The following C1orf87 variants were observed in gnomAD, a reference collection of about 807,000 sequenced individuals.
The protein encoded by C1orf87 is uncharacterized protein C1orf87.
A neutral mutation model predicts 60.5 loss-of-function variants in C1orf87; 58 were observed. The ratio of observed to expected loss-of-function variants is 0.96; its 90% CI spans 0.78 to 1.19. The LOEUF (loss-of-function observed/expected upper bound fraction) is 1.19, where lower values mean the gene tolerates loss of function less well. Ranked by LOEUF, C1orf87 falls within the 50% of genes most tolerant of loss-of-function variation. The pLI, the probability that C1orf87 is intolerant of heterozygous loss-of-function variation, is 0.00. For synonymous variants in C1orf87, 236 were observed against 227.4 expected (o/e 1.04, Z -0.34); for missense variants, 673 against 638.6 (o/e 1.05, Z -0.58).
Position 60,025,507 on chromosome 1 carries a change from T to TAA in C1orf87, c.1030-11_1030-10dup. 2 of 1,524,042 alleles carry TAA rather than the reference T, an allele frequency of 1.3e-6. No individual in the cohort carries two copies. The highest frequency in any genetic ancestry group is 1.8e-6 in the Non-Finnish European group (2 of 1,126,716). The allele number at this position is 1,524,042 out of a possible 1,614,324, so 94.4% of individuals were successfully genotyped here. ...CCACATATAGCCCTGACCTACAAGT[T>TAA]AAAAAAAAATAAAAAAGATTTGATG... is the stretch of plus-strand genomic sequence containing the variant. On this transcript the variant is annotated splice_polypyrimidine_tract_variant and intron_variant, in intron 7 of 11. Transcript: ENST00000371201.
intron 8 of C1orf87, among the ~76,000 whole-genome samples, chr1:60,015,596 ACTTT>A (rs1431236945): frequency 6.6e-6 from 1 of 152,096 alleles, no homozygotes; most frequent in African/African-American, 2.4e-5. Context: ...GCAGATGGCC[ACTTT>A]CTTGCTGTGT....
At chr1:60,010,288 T>C (rs1645074161) in intron 9 of C1orf87, 104 bp downstream of exon 9, 2 of 1,024,456 alleles carry the variant, frequency 2.0e-6, no homozygotes, top group Admixed American at 2.1e-5. Context: ...CTGAGAGAAA[T>C]GAGATGAAAC....
Position 60,006,908 on chromosome 1 carries a change from T to C in C1orf87, c.1192+3484A>G, listed in dbSNP as rs79800056. ...AGATGTTGTCACCATTTCCTATGTG[T>C]CTCTTGCATACTTTTTTTTTTCTGA... On this transcript the variant is annotated intron_variant, in intron 9 of 11. Transcript: ENST00000371201. Among the ~76,000 whole-genome samples, 467 of 150,252 alleles carry C rather than the reference T, an allele frequency of 3.1e-3. 1 individual carries two copies. The highest frequency in any genetic ancestry group is 0.011 in the African/African-American group (443 of 40,638).
intron 11 of C1orf87, among the ~76,000 whole-genome samples, chr1:59,992,687 C>A (rs1185228440): frequency 6.6e-6 from 1 of 152,100 alleles, no homozygotes; most frequent in Non-Finnish European, 1.5e-5. Flanking sequence ...ATGGTAGATA[C>A]TTATCATCTC....
rs1557484946 is a variant in C1orf87, at chr1:60,072,595, TC to T, written c.48del (p.Ile17SerfsTer3). On this transcript the variant is annotated frameshift_variant, in exon 2 of 12. Transcript: ENST00000371201. LOFTEE classifies it high-confidence loss of function. The stretch of plus-strand genomic sequence containing the variant: ...TTACTTCCAATGATTTTCACCATGA[TC>T]TCAGGCATTGCATCTGATCCACGGG... ...KTPRGSDAMP[E>X]IMVKIIGSKH... is the part of the protein sequence containing the mutation. 6.2e-7 allele frequency: 1 copy of T among 1,613,302 alleles called. No individual in the cohort carries two copies. Among genetic ancestry groups the T allele is most frequent in the Admixed American group, 1.7e-5 (1 of 59,998 alleles).
rs771413657 is a variant in C1orf87 at position 60,055,207 on chromosome 1, G to A, written c.339C>T (p.Gly113=). The change falls in exon 3 of 12, where the codon GGC becomes GGT. Residue 113 remains glycine (G), a synonymous_variant. Coordinates refer to ENST00000371201, the MANE Select transcript of C1orf87 (RefSeq NM_152377.3). ...GTGGGTATTTTTTGTCACTCACATTGCCATCCAGGAATCTGCTACTGTTTG... is the reference window on the plus strand; with the variant it reads ...GTGGGTATTTTTTGTCACTCACATTACCATCCAGGAATCTGCTACTGTTTG... The part of the protein sequence containing the change: ...TGANSSRFLD[G]NIPSQANVHC... The A allele has an allele frequency of 3.7e-6, 6 of 1,610,060 alleles. No individual in the cohort carries two copies. Among genetic ancestry groups the A allele is most frequent in the Admixed American group, 3.3e-5 (2 of 59,970 alleles).
chr1:60,017,181 CTTA>C (rs1366434580), intron 8 of C1orf87, among the ~76,000 whole-genome samples: 1 of 152,132 alleles, frequency 6.6e-6, no homozygotes, highest in Admixed American at 6.5e-5. Flanking sequence ...TTATAAAGCA[CTTA>C]TTATTATTTT....
At chr1:59,993,162 A>G (rs1405914754) in intron 11 of C1orf87, among the ~76,000 whole-genome samples, 1 of 152,222 alleles carries the variant, frequency 6.6e-6, no homozygotes, top group Non-Finnish European at 1.5e-5. Flanking sequence ...TCGAGGCTGC[A>G]GTGAGTTGTG....
At chr1:60,019,948 CA>C (rs1466285779) in intron 8 of C1orf87, among the ~76,000 whole-genome samples, 6 of 151,892 alleles carry the variant, frequency 4.0e-5, no homozygotes, top group Non-Finnish European at 8.8e-5. Context: ...GGAAGCAGAG[CA>C]AAAAAGTTTG....
chr1:59,999,720 A>C (rs1426083), intron 10 of C1orf87, among the ~76,000 whole-genome samples: 39,538 of 151,990 alleles, frequency 0.26, 5,520 homozygotes, highest in East Asian at 0.48. Context: ...TATTCTAGTT[A>C]TTGCTTATCT....
chr1:60,069,931 A>G (rs1388431256), intron 2 of C1orf87, among the ~76,000 whole-genome samples: 1 of 152,180 alleles, frequency 6.6e-6, no homozygotes, highest in Non-Finnish European at 1.5e-5. Flanking sequence ...AAAAGGGGCA[A>G]TTTGGACACA....
At chr1:60,012,454 A>G (rs1174951435) in intron 8 of C1orf87, among the ~76,000 whole-genome samples, 1 of 152,112 alleles carries the variant, frequency 6.6e-6, no homozygotes, top group Non-Finnish European at 1.5e-5. Context: ...TACATGACCA[A>G]TACAATTTTT....
At chr1:60,060,985 G>T (rs1235226317) in intron 2 of C1orf87, among the ~76,000 whole-genome samples, 1 of 152,128 alleles carries the variant, frequency 6.6e-6, no homozygotes, top group Non-Finnish European at 1.5e-5. Flanking sequence ...CTGTGCAACT[G>T]CCTGGCCTCT....
rs1029146721 is a variant in C1orf87 at position 60,030,383 on chromosome 1, G to T, written c.1029+3093C>A. ...CAGAACCTGACAAACTACAGAAGGAGGTCTTACAGTCCTGGTCCACTTAAA... is the reference window on the plus strand; with the variant it reads ...CAGAACCTGACAAACTACAGAAGGATGTCTTACAGTCCTGGTCCACTTAAA... On this transcript the variant is annotated intron_variant, in intron 7 of 11. Transcript: ENST00000371201. Among the ~76,000 whole-genome samples the T allele has an allele frequency of 2.0e-5, 3 of 152,190 alleles. No homozygotes were observed. The South Asian group carries it at 6.2e-4, about 31-fold the overall frequency.
At chr1:60,044,167 C>G (rs1645348601) in intron 3 of C1orf87, among the ~76,000 whole-genome samples, 1 of 152,150 alleles carries the variant, frequency 6.6e-6, no homozygotes, top group Admixed American at 6.5e-5. Flanking sequence ...GTAGCTGGGA[C>G]TACAGGCGCC....
intron 2 of C1orf87, among the ~76,000 whole-genome samples, chr1:60,065,018 T>TATATATATTTAATATATATAAA (rs1557482211): frequency 4.9e-5 from 1 of 20,538 alleles, no homozygotes; most frequent in Non-Finnish European, 1.3e-4. Flanking sequence ...ATATATTAAA[T>TATATATATTTAATATATATAAA]ATATATATTT....
At chr1:60,066,153 A>G (rs1280203590) in intron 2 of C1orf87, among the ~76,000 whole-genome samples, 1 of 152,190 alleles carries the variant, frequency 6.6e-6, no homozygotes, top group Non-Finnish European at 1.5e-5. Flanking sequence ...TGAGGTTGGT[A>G]GTTGCTGTAG....
chr1:60,028,459 C>T (rs1645214731), intron 7 of C1orf87, among the ~76,000 whole-genome samples: 1 of 152,070 alleles, frequency 6.6e-6, no homozygotes, highest in Non-Finnish European at 1.5e-5. Context: ...TTATTAAGAT[C>T]CATTAAAACA....
intron 9 of C1orf87, among the ~76,000 whole-genome samples, chr1:60,005,522 A>C (rs539218334): frequency 6.6e-6 from 1 of 152,194 alleles, no homozygotes; most frequent in South Asian, 2.1e-4. Context: ...TCTTTAAAGA[A>C]GTGACATTTA....
Sources: gnomAD v4.1 joint callset for allele counts (sites outside exome capture counted in the v4.1 genomes callset) on GRCh38, gnomAD v4.1.1 for gene constraint, MANE v1.5 for transcripts, NCBI Gene and HGNC (gene_info 2026-07-23, HGNC 2026-07-21) for gene names.